The following STK3 variants were observed in gnomAD, a reference collection of about 807,000 sequenced individuals.
STK3 encodes serine/threonine-protein kinase 3.
Under a neutral mutation model 58.0 loss-of-function variants are expected in STK3, and 41 were observed. The ratio of observed to expected loss-of-function variants is 0.71; its 90% CI spans 0.55 to 0.92. STK3 has a LOEUF of 0.92. Among genes scored for constraint, STK3 ranks in the 40% least tolerant of loss-of-function variants. STK3 has a pLI of 0.00. For synonymous variants in STK3, 170 were observed against 191.0 expected, an observed-to-expected ratio of 0.89 and a Z score of 0.91; for missense variants, 479 against 602.7, an observed-to-expected ratio of 0.79 and a Z score of 2.15.
intron 6 of STK3, among the ~76,000 whole-genome samples, chr8:98,674,914 C>T (rs527246744): frequency 6.6e-6 from 1 of 152,186 alleles, no homozygotes; most frequent in East Asian, 1.9e-4. Flanking sequence ...AACTACATTT[C>T]ACATACACAT....
At chr8:98,860,087 T>G (rs1247300794) in intron 3 of STK3, among the ~76,000 whole-genome samples, 1 of 152,198 alleles carries the variant, frequency 6.6e-6, no homozygotes, top group Non-Finnish European at 1.5e-5. Context: ...ATTCATGTAT[T>G]AATCAATATT....
At chr8:98,898,250 A>G (rs1044784331) in intron 1 of STK3, among the ~76,000 whole-genome samples, 9 of 152,104 alleles carry the variant, frequency 5.9e-5, no homozygotes, top group African/African-American at 2.2e-4. Flanking sequence ...GAGTGTGACT[A>G]CCCTTCTCTG....
intron 3 of STK3, among the ~76,000 whole-genome samples, chr8:98,410,938 C>T (rs764730089): frequency 6.6e-6 from 1 of 152,218 alleles, no homozygotes; most frequent in African/African-American, 2.4e-5. Context: ...TAATTTCTAG[C>T]AGTGTATTCT....
At chr8:98,765,803 T>C (rs1208879977) in intron 3 of STK3, among the ~76,000 whole-genome samples, 2 of 152,222 alleles carry the variant, frequency 1.3e-5, no homozygotes, top group African/African-American at 4.8e-5. Flanking sequence ...GGGAGAATAA[T>C]AAATCCCTCT....
chr8:98,552,856 A>C (rs1301315768), intron 8 of STK3, among the ~76,000 whole-genome samples: 1 of 152,176 alleles, frequency 6.6e-6, no homozygotes, highest in Non-Finnish European at 1.5e-5. Flanking sequence ...TTCACTTATT[A>C]ATCATCCAAC....
At chr8:98,690,012 C>T (rs556205124) in intron 6 of STK3, among the ~76,000 whole-genome samples, 1 of 152,136 alleles carries the variant, frequency 6.6e-6, no homozygotes, top group Non-Finnish European at 1.5e-5. Context: ...TTATAAAAAT[C>T]CACAACAAAC....
At chr8:98,922,943 C>T (rs768765500) in intron 1 of STK3, among the ~76,000 whole-genome samples, 2 of 152,178 alleles carry the variant, frequency 1.3e-5, no homozygotes, top group Non-Finnish European at 2.9e-5. Context: ...AATATGGAAA[C>T]TATTTTTTCT....
intron 1 of STK3, among the ~76,000 whole-genome samples, chr8:98,819,689 T>TG (rs1360223597): frequency 5.3e-5 from 8 of 152,238 alleles, no homozygotes; most frequent in Non-Finnish European, 1.2e-4. Context: ...CTGAGTCTGC[T>TG]GGGGTTTTTT....
chr8:98,365,725 T>A, the STK3 span, among the ~76,000 whole-genome samples: 3 of 152,164 alleles, frequency 2.0e-5, no homozygotes, highest in African/African-American at 7.2e-5. Context: ...AATGTATTGA[T>A]AAACAATATA....
upstream of STK3, among the ~76,000 whole-genome samples, chr8:98,830,308 A>G (rs1013686431): frequency 6.6e-6 from 1 of 152,160 alleles, no homozygotes; most frequent in African/African-American, 2.4e-5. Context: ...GGCCTCAACG[A>G]GAGAGTGACT....
At chr8:98,711,063 C>T (rs896086710) in intron 4 of STK3, among the ~76,000 whole-genome samples, 2 of 152,178 alleles carry the variant, frequency 1.3e-5, no homozygotes, top group African/African-American at 4.8e-5. Flanking sequence ...CTCCAACAGA[C>T]CTGCAGCTGA....
At chr8:98,688,066 T>C (rs774636228) in intron 6 of STK3, among the ~76,000 whole-genome samples, 5 of 152,230 alleles carry the variant, frequency 3.3e-5, no homozygotes, top group Admixed American at 2.0e-4. Context: ...CATAGACTCA[T>C]AGTAAATGAA....
Position 98,800,950 on chromosome 8 carries a change from C to T in STK3, c.26+24565G>A, listed in dbSNP as rs993887451. Among the ~76,000 whole-genome samples, 6 of 152,222 alleles carry T rather than the reference C, an allele frequency of 3.9e-5. No homozygotes were observed. Among genetic ancestry groups the T allele is most frequent in the African/African-American group, 1.4e-4 (6 of 41,460 alleles). ...CTCCACGGCGTCCGGTCCCATAAACCGCCCAAGGGCTGAGGAGTGCAGGCG... is the reference window on the plus strand; with the variant it reads ...CTCCACGGCGTCCGGTCCCATAAACTGCCCAAGGGCTGAGGAGTGCAGGCG... On this transcript the variant is annotated intron_variant, in intron 1 of 10. Transcript: ENST00000419617. This position sits in a 1 kb window ranked among gnomAD's most constrained non-coding sequence, Gnocchi z 4.8.
At chr8:98,785,947 C>G (rs1832440397) in intron 1 of STK3, among the ~76,000 whole-genome samples, 1 of 152,162 alleles carries the variant, frequency 6.6e-6, no homozygotes, top group African/African-American at 2.4e-5. Flanking sequence ...TACAAGAATA[C>G]TGGCACCATG....
At chr8:98,835,471 A>G (rs1239253591) in intron 3 of STK3, among the ~76,000 whole-genome samples, 1 of 152,140 alleles carries the variant, frequency 6.6e-6, no homozygotes, top group East Asian at 1.9e-4. Flanking sequence ...GGCAACTTCA[A>G]CATTGTCCAG....
intron 3 of STK3, among the ~76,000 whole-genome samples, chr8:98,859,110 A>C (rs1836828481): frequency 6.6e-6 from 1 of 152,166 alleles, no homozygotes; most frequent in Non-Finnish European, 1.5e-5. Context: ...AAATCTTTGA[A>C]AAATTTTCAC....
chr8:98,407,861 A>G (rs1818013964), intron 3 of STK3, among the ~76,000 whole-genome samples: 1 of 152,218 alleles, frequency 6.6e-6, no homozygotes, highest in Non-Finnish European at 1.5e-5. Context: ...TGGGCTTCAG[A>G]ATCTCTAAAT....
intron 1 of STK3, among the ~76,000 whole-genome samples, chr8:98,449,451 A>G (rs1819098432): frequency 1.3e-5 from 2 of 152,210 alleles, no homozygotes; most frequent in Non-Finnish European, 2.9e-5. Flanking sequence ...TTAATTTTGA[A>G]CTTCCTGGGA....
intron 5 of STK3, 137 bp downstream of exon 5, chr8:98,707,010 A>AT: frequency 1.1e-6 from 1 of 930,082 alleles, no homozygotes; most frequent in Non-Finnish European, 1.5e-6. Context: ...ATTTGGCTCA[A>AT]TTATGGTTCC....
Sources: allele counts gnomAD v4.1 joint callset (sites outside exome capture counted in the v4.1 genomes callset), GRCh38; gene constraint gnomAD v4.1.1; non-coding constraint Gnocchi (gnomAD v3.1); transcripts MANE v1.5; gene names NCBI Gene and HGNC (gene_info 2026-07-23, HGNC 2026-07-21).